SLC25A13: variants seen among roughly 807,000 people sequenced by gnomAD.
SLC25A13 encodes the protein electrogenic aspartate/glutamate antiporter SLC25A13, mitochondrial.
A neutral mutation model predicts 85.5 loss-of-function variants in SLC25A13; 70 were observed. The ratio of observed to expected loss-of-function variants is 0.82; its 90% CI spans 0.68 to 1.00. SLC25A13 has a LOEUF of 1.00. SLC25A13 is among the 50% of genes least tolerant of loss of function. The probability of loss-of-function intolerance (pLI) is 0.00; values close to 1 mark genes in which losing one functional copy is unlikely to be tolerated. For synonymous variants in SLC25A13, 259 were observed against 288.7 expected (o/e 0.90, Z 1.04); for missense variants, 765 against 819.8 (o/e 0.93, Z 0.82).
intron 13 of SLC25A13, among the ~76,000 whole-genome samples, chr7:96,155,106 C>G (rs1157822177): frequency 6.6e-6 from 1 of 152,048 alleles, no homozygotes; most frequent in Non-Finnish European, 1.5e-5. Context: ...GGCCCAGCTT[C>G]TACCAATTCT....
intron 11 of SLC25A13, among the ~76,000 whole-genome samples, chr7:96,176,378 C>T (rs1794223374): frequency 6.6e-6 from 1 of 152,170 alleles, no homozygotes; most frequent in Non-Finnish European, 1.5e-5. Context: ...GTCCATTTTC[C>T]AACTGCCTCA....
chr7:96,152,766 C>T (rs1247789076), intron 13 of SLC25A13, among the ~76,000 whole-genome samples: 1 of 152,088 alleles, frequency 6.6e-6, no homozygotes, highest in African/African-American at 2.4e-5. Flanking sequence ...TGCTATACAC[C>T]GGTGGTACAG....
At position 96,146,217 on chromosome 7, in the gene SLC25A13, G is replaced by A. The variant is rs1255525465; in HGVS notation, c.1452+339C>T. Among the ~76,000 whole-genome samples, 7 of 152,120 alleles carry A rather than the reference G, an allele frequency of 4.6e-5. No individual in the cohort carries two copies. The East Asian group carries it at 1.4e-3, about 29-fold the overall frequency. On this transcript the variant is annotated intron_variant, in intron 14 of 17. Transcript: ENST00000265631. Reference sequence around the variant, plus strand: ...TGCATAGGATCAGAAAATAAATTATGATACAGGTTTCTCCTTGAACTGAAC... The same window carrying A: ...TGCATAGGATCAGAAAATAAATTATAATACAGGTTTCTCCTTGAACTGAAC...
At chr7:96,203,751 TA>T (rs1401966792) in intron 5 of SLC25A13, among the ~76,000 whole-genome samples, 3 of 152,142 alleles carry the variant, frequency 2.0e-5, no homozygotes, top group African/African-American at 7.2e-5. Context: ...CCCAAGATTA[TA>T]AAACAGTATC....
chr7:96,321,968 G>C lies in SLC25A13; in HGVS notation c.-12C>G. 2.6e-6 allele frequency: 4 copies of C among 1,540,336 alleles called. No homozygotes were observed. Among genetic ancestry groups the C allele is most frequent in the Middle Eastern group, 1.7e-4 (1 of 5,786 alleles). On this transcript the variant is annotated 5_prime_UTR_variant, in exon 1 of 18. Coordinates refer to ENST00000265631, the MANE Select transcript of SLC25A13 (RefSeq NM_014251.3). Reference sequence around the variant, plus strand: ...TTGGCGGCCGCCATGATTCGCCCCGGTTGCGGGCGACTGCGGGACCCACTG... The same window carrying C: ...TTGGCGGCCGCCATGATTCGCCCCGCTTGCGGGCGACTGCGGGACCCACTG...
rs185038461 is a variant in SLC25A13 at position 96,291,408 on chromosome 7, A to G, written c.69+5490T>C. On this transcript the variant is annotated intron_variant, in intron 2 of 17. Coordinates refer to ENST00000265631, the MANE Select transcript of SLC25A13 (RefSeq NM_014251.3). Reference sequence around the variant, plus strand: ...GCAAACACATTGAAAAGCTAGCAGAAGGCAAGAAATAACTAAGATCAGAGC... The same window carrying G: ...GCAAACACATTGAAAAGCTAGCAGAGGGCAAGAAATAACTAAGATCAGAGC... Among the ~76,000 whole-genome samples, 1,436 of 152,308 alleles carry G rather than the reference A, an allele frequency of 9.4e-3. 24 individuals are homozygous for G. The highest frequency in any genetic ancestry group is 0.033 in the African/African-American group (1,378 of 41,556).
At chr7:96,283,562 G>A in intron 2 of SLC25A13, 1 of 341,498 alleles carries the variant, frequency 2.9e-6, no homozygotes, top group Non-Finnish European at 5.8e-6. Context: ...AATGCCCCCA[G>A]CATGCTGTTG....
chr7:96,209,347 A>AACAC (rs760463709), intron 4 of SLC25A13, among the ~76,000 whole-genome samples: 14 of 26,350 alleles, frequency 5.3e-4, no homozygotes, highest in African/African-American at 1.8e-3. Context: ...GTGGCAGGAA[A>AACAC]ACACATACAC....
chr7:96,204,886 A>G (rs116222846), intron 5 of SLC25A13, among the ~76,000 whole-genome samples: 1,954 of 152,228 alleles, frequency 0.013, 39 homozygotes, highest in African/African-American at 0.045. Flanking sequence ...CACAAAAAAT[A>G]CCGAGTTTTA....
At chr7:96,187,939 C>A (rs1258101097) in intron 9 of SLC25A13, among the ~76,000 whole-genome samples, 1 of 152,170 alleles carries the variant, frequency 6.6e-6, no homozygotes, top group Non-Finnish European at 1.5e-5. Context: ...TCATTTCCTG[C>A]TATAAATCTC....
At chr7:96,216,278 G>C (rs1795897523) in intron 4 of SLC25A13, among the ~76,000 whole-genome samples, 1 of 152,110 alleles carries the variant, frequency 6.6e-6, no homozygotes, top group Non-Finnish European at 1.5e-5. Context: ...AGAGAAAAAG[G>C]AACACTTATG....
At chr7:96,311,209 TGGTG>T (rs1799936135) in intron 1 of SLC25A13, among the ~76,000 whole-genome samples, 1 of 152,182 alleles carries the variant, frequency 6.6e-6, no homozygotes, top group African/African-American at 2.4e-5. Flanking sequence ...TGCAAAAAGC[TGGTG>T]GACTTAAGAT....
At chr7:96,150,312 A>G (rs1441799995) in intron 13 of SLC25A13, among the ~76,000 whole-genome samples, 1 of 152,140 alleles carries the variant, frequency 6.6e-6, no homozygotes, top group Non-Finnish European at 1.5e-5. Context: ...ATTCTCAAGA[A>G]GCTTGAAGTA....
intron 3 of SLC25A13, among the ~76,000 whole-genome samples, chr7:96,254,211 C>T (rs112548184): frequency 0.033 from 5,098 of 152,276 alleles, 210 homozygotes; most frequent in African/African-American, 0.1. Context: ...CTGGGTAAAG[C>T]AGATTGCCCT....
chr7:96,140,713 G>T (rs946243139), intron 14 of SLC25A13, among the ~76,000 whole-genome samples: 4 of 150,382 alleles, frequency 2.7e-5, no homozygotes, highest in African/African-American at 9.8e-5. Flanking sequence ...TACCACCAAA[G>T]ATTTCAATTT....
chr7:96,141,010 T>C, intron 14 of SLC25A13, among the ~76,000 whole-genome samples: 1 of 144,514 alleles, frequency 6.9e-6, no homozygotes, highest in South Asian at 2.3e-4. Flanking sequence ...ATTCCTTTCT[T>C]TTTTCTTTCT....
chr7:96,291,180 C>G (rs1364304505), intron 2 of SLC25A13, among the ~76,000 whole-genome samples: 1 of 152,164 alleles, frequency 6.6e-6, no homozygotes, highest in African/African-American at 2.4e-5. Context: ...TGAATGACTA[C>G]TGGGTACATA....
At chr7:96,306,806 C>T (rs75910854) in intron 1 of SLC25A13, 3 of 1,372,054 alleles carry the variant, frequency 2.2e-6, no homozygotes, top group Admixed American at 3.4e-5. Flanking sequence ...ATCTCTACCC[C>T]CAGGGACTCA....
At chr7:96,252,573 C>T (rs576731960) in intron 3 of SLC25A13, among the ~76,000 whole-genome samples, 2 of 152,030 alleles carry the variant, frequency 1.3e-5, no homozygotes, top group South Asian at 4.2e-4. Context: ...ACAAGATCAC[C>T]CAAAAAGTAG....
Sources: gnomAD v4.1 joint callset for allele counts (sites outside exome capture counted in the v4.1 genomes callset) on GRCh38, gnomAD v4.1.1 for gene constraint, MANE v1.5 for transcripts, NCBI Gene and HGNC (gene_info 2026-07-23, HGNC 2026-07-21) for gene names.